Variants in PEPD observed in about 807,000 individuals in gnomAD.
PEPD encodes the protein xaa-Pro dipeptidase.
A neutral mutation model predicts 60.7 loss-of-function variants in PEPD; 53 were observed. That is an observed-to-expected ratio of 0.87 (90% confidence interval 0.70 to 1.10). PEPD has a LOEUF of 1.10. PEPD is among the 50% of genes least tolerant of loss of function. The probability of loss-of-function intolerance (pLI) is 0.00; values close to 1 mark genes in which losing one functional copy is unlikely to be tolerated. For missense variants in PEPD, 711 were observed against 711.9 expected, an observed-to-expected ratio of 1.00 and a Z score of 0.01; for synonymous variants, 267 against 284.1, an observed-to-expected ratio of 0.94 and a Z score of 0.60.
At chr19:33,390,451 C>T (rs1233518864) in intron 13 of PEPD, among the ~76,000 whole-genome samples, 1 of 152,232 alleles carries the variant, frequency 6.6e-6, no homozygotes, top group Non-Finnish European at 1.5e-5. Flanking sequence ...ACTGCCCCCA[C>T]CCTGCCAAAA....
intron 9 of PEPD, among the ~76,000 whole-genome samples, chr19:33,437,048 A>G (rs1193203096): frequency 6.6e-6 from 1 of 152,206 alleles, no homozygotes; most frequent in Non-Finnish European, 1.5e-5. Flanking sequence ...AGCAGCAACC[A>G]GGCAGAGCAG....
chr19:33,444,949 G>A (rs968979936), intron 9 of PEPD, among the ~76,000 whole-genome samples: 1 of 152,162 alleles, frequency 6.6e-6, no homozygotes, highest in Non-Finnish European at 1.5e-5. Context: ...TGGGATGTTG[G>A]CTGTGTGTCC....
At position 33,478,053 on chromosome 19, in the gene PEPD, C is replaced by T. The variant is rs372629704; in HGVS notation, c.541G>A (p.Val181Ile). ...ACCACAGGCCGTACTCACCACTCAACGATCTCTGGGTGAAGAATGGTATTG... is the reference window on the plus strand; with the variant it reads ...ACCACAGGCCGTACTCACCACTCAATGATCTCTGGGTGAAGAATGGTATTG... ...VNNTILHPEIVECRVFKTDME... is the reference protein window; with the variant it reads ...VNNTILHPEIIECRVFKTDME... Residue 181 changes from valine to isoleucine, a missense_variant, in exon 7 of 15, where the codon GTT becomes ATT. By Grantham distance (29) the Val-to-Ile change is conservative. Coordinates refer to ENST00000244137, the MANE Select transcript of PEPD (RefSeq NM_000285.4). 23 of 1,610,412 alleles carry T rather than the reference C, an allele frequency of 1.4e-5. 1 individual carries two copies. In the South Asian group the frequency reaches 1.4e-4, roughly 10 times the overall value.
At chr19:33,420,798 C>T (rs536112121) in intron 9 of PEPD, among the ~76,000 whole-genome samples, 50 of 152,032 alleles carry the variant, frequency 3.3e-4, no homozygotes, top group African/African-American at 1.1e-3. Context: ...CAGAAAAGAA[C>T]TCAAATCCTA....
intron 9 of PEPD, among the ~76,000 whole-genome samples, chr19:33,416,082 G>A (rs915723881): frequency 3.3e-5 from 5 of 152,222 alleles, no homozygotes; most frequent in Admixed American, 2.0e-4. Flanking sequence ...AGCCCGGCGC[G>A]GCACAGTTCT....
At chr19:33,502,842 A>G (rs1970736083) in intron 3 of PEPD, among the ~76,000 whole-genome samples, 1 of 148,296 alleles carries the variant, frequency 6.7e-6, no homozygotes. Context: ...CTCTGCTTTC[A>G]TTCTTTCGTT....
At chr19:33,470,900 A>T (rs960077952) in intron 7 of PEPD, among the ~76,000 whole-genome samples, 1 of 152,184 alleles carries the variant, frequency 6.6e-6, no homozygotes, top group East Asian at 1.9e-4. Context: ...TCCCACAGGT[A>T]GGAAGAGCAG....
intron 11 of PEPD, among the ~76,000 whole-genome samples, chr19:33,404,159 C>A (rs1416157240): frequency 6.6e-6 from 1 of 152,146 alleles, no homozygotes; most frequent in African/African-American, 2.4e-5. Flanking sequence ...TGGGACCCTC[C>A]CACTGCTGTA....
intron 7 of PEPD, among the ~76,000 whole-genome samples, chr19:33,470,319 T>G (rs1970099789): frequency 6.6e-6 from 1 of 152,120 alleles, no homozygotes; most frequent in South Asian, 2.1e-4. Context: ...GCCTTTAGGT[T>G]TCCAGTGGCC....
intron 9 of PEPD, among the ~76,000 whole-genome samples, chr19:33,448,298 G>A (rs1052321004): frequency 3.9e-5 from 6 of 152,180 alleles, no homozygotes; most frequent in African/African-American, 1.4e-4. Flanking sequence ...GATGCGCCCA[G>A]GACTTGGAGC....
At position 33,410,882 on chromosome 19, in the gene PEPD, C is replaced by T. The variant is rs1206953935; in HGVS notation, c.818+790G>A. Among the ~76,000 whole-genome samples, 3 of 152,112 alleles carry T rather than the reference C, an allele frequency of 2.0e-5. No individual in the cohort carries two copies. The East Asian group carries it at 5.8e-4, about 30-fold the overall frequency. ...TCTCAGGAGCTCTGCACTGCCTGGG[C>T]TGGCCCTGGCTGACATCTGACGTGC... On this transcript the variant is annotated intron_variant, in intron 11 of 14. Coordinates refer to ENST00000244137, the MANE Select transcript of PEPD (RefSeq NM_000285.4).
chr19:33,514,570 C>T (rs992386976), intron 1 of PEPD, among the ~76,000 whole-genome samples: 5 of 151,946 alleles, frequency 3.3e-5, no homozygotes, highest in Admixed American at 6.5e-5. Context: ...CTGCACTGTG[C>T]CCAGAGGCCA....
At chr19:33,449,447 T>C (rs1357376803) in intron 9 of PEPD, among the ~76,000 whole-genome samples, 1 of 151,970 alleles carries the variant, frequency 6.6e-6, no homozygotes, top group Non-Finnish European at 1.5e-5. Flanking sequence ...TCAGGATCCA[T>C]GAGGAGAGCT....
At chr19:33,520,352 T>C (rs1399489705) in intron 1 of PEPD, among the ~76,000 whole-genome samples, 1 of 152,214 alleles carries the variant, frequency 6.6e-6, no homozygotes, top group Non-Finnish European at 1.5e-5. Context: ...TTGACACCCA[T>C]CTGAGACTTT....
At chr19:33,439,463 T>A (rs149453018) in intron 9 of PEPD, among the ~76,000 whole-genome samples, 216 of 152,340 alleles carry the variant, frequency 1.4e-3, no homozygotes, top group Middle Eastern at 0.014. Flanking sequence ...CACATGGGCC[T>A]GGGAGTGCGT....
chr19:33,466,579 G>GT (rs1171436114), intron 7 of PEPD, among the ~76,000 whole-genome samples: 1 of 152,134 alleles, frequency 6.6e-6, no homozygotes, highest in Non-Finnish European at 1.5e-5. Flanking sequence ...TTGGGATGCT[G>GT]TGGTACAACT....
Position 33,463,971 on chromosome 19 carries a change from C to T in PEPD, c.624+16G>A, listed in dbSNP as rs142369843. The T allele has an allele frequency of 4.1e-3, 6,449 of 1,574,436 alleles. 14 individuals are homozygous for T. The highest frequency in any genetic ancestry group is 4.9e-3 in the Non-Finnish European group (5,581 of 1,146,460). On this transcript the variant is annotated intron_variant, in intron 8 of 14. Transcript: ENST00000244137. ...CACTGCTTTCCCCACTCAACCAGAGCCGGTGCCTGACTTACCTCACGGTGG... is the reference window on the plus strand; with the variant it reads ...CACTGCTTTCCCCACTCAACCAGAGTCGGTGCCTGACTTACCTCACGGTGG...
At chr19:33,411,074 C>T (rs571151597) in intron 11 of PEPD, among the ~76,000 whole-genome samples, 2 of 152,190 alleles carry the variant, frequency 1.3e-5, no homozygotes, top group African/African-American at 2.4e-5. Flanking sequence ...ACCCGAGGGG[C>T]GGAGGCCGCA....
chr19:33,439,664 C>G (rs2145408349), intron 9 of PEPD, among the ~76,000 whole-genome samples: 1 of 152,332 alleles, frequency 6.6e-6, no homozygotes, highest in South Asian at 2.1e-4. Flanking sequence ...GGATGCCCAC[C>G]ACAGGGGTTT....
Sources: allele counts gnomAD v4.1 joint callset (sites outside exome capture counted in the v4.1 genomes callset), GRCh38; gene constraint gnomAD v4.1.1; transcripts MANE v1.5; gene names NCBI Gene and HGNC (gene_info 2026-07-23, HGNC 2026-07-21).